PLAAT2: variants seen among roughly 807,000 people sequenced by gnomAD.
PLAAT2 encodes the protein phospholipase A and acyltransferase 2, also known as HRAS like suppressor 2.
In PLAAT2, 12 loss-of-function variants were observed where a neutral mutation model predicts 12.8. The ratio of observed to expected loss-of-function variants is 0.94; its 90% CI spans 0.60 to 1.52. PLAAT2 has a LOEUF of 1.52. PLAAT2 is among the 40% of genes most tolerant of loss of function. The probability of loss-of-function intolerance (pLI) is 0.00; values close to 1 mark genes in which losing one functional copy is unlikely to be tolerated. For synonymous variants in PLAAT2, 79 were observed against 86.8 expected (o/e 0.91, Z 0.50); for missense variants, 166 against 208.1 (o/e 0.80, Z 1.24).
At chr11:63,558,118 C>T (rs1439730551) in intron 3 of PLAAT2, among the ~76,000 whole-genome samples, 4 of 152,082 alleles carry the variant, frequency 2.6e-5, no homozygotes, top group African/African-American at 9.7e-5. Context: ...ATCATAAAGC[C>T]GGCCTCTAGG....
rs562454290 is a variant in PLAAT2 at position 63,552,942 on chromosome 11, T to C, written c.*22A>G. On this transcript the variant is annotated 3_prime_UTR_variant, in exon 4 of 4. Coordinates refer to ENST00000255695, the MANE Select transcript of PLAAT2 (RefSeq NM_017878.2). Reference sequence around the variant, plus strand: ...AATATTCCTCCGTAAGAATTGGTGGTTGTTGGGACAATTTCTTGGATTTAT... The same window carrying C: ...AATATTCCTCCGTAAGAATTGGTGGCTGTTGGGACAATTTCTTGGATTTAT... 2.0e-6 allele frequency: 3 copies of C among 1,521,336 alleles called. No individual in the cohort carries two copies. The highest frequency in any genetic ancestry group is 3.4e-5 in the Admixed American group (2 of 59,692). The allele number at this position is 1,521,336 out of a possible 1,614,324, so 94.2% of individuals were successfully genotyped here. A position where few individuals can be genotyped will look rare whatever the true frequency, so the allele number is the denominator to read the frequency against.
chr11:63,560,530 T>C (rs528505999), intron 1 of PLAAT2, among the ~76,000 whole-genome samples: 2 of 152,344 alleles, frequency 1.3e-5, no homozygotes, highest in Non-Finnish European at 2.9e-5. Context: ...TGTCAGCTAG[T>C]GACTGCATGA....
At chr11:63,558,984 T>G (rs2017494278) in intron 2 of PLAAT2, among the ~76,000 whole-genome samples, 1 of 152,096 alleles carries the variant, frequency 6.6e-6, no homozygotes, top group Non-Finnish European at 1.5e-5. Context: ...CAGGCCATAG[T>G]CCCAACTGCC....
At chr11:63,553,226 A>G (rs796979051) in intron 3 of PLAAT2, among the ~76,000 whole-genome samples, 161 bp from the exon 4 acceptor site, 31 of 152,350 alleles carry the variant, frequency 2.0e-4, no homozygotes, top group African/African-American at 7.5e-4. Flanking sequence ...CCAAGAGGTC[A>G]GGCCACCCAG....
rs746685332 is a variant in PLAAT2 at position 63,558,580 on chromosome 11, C to T, written c.199G>A (p.Val67Met). 24 of 1,614,140 alleles carry T rather than the reference C, an allele frequency of 1.5e-5. No homozygotes were observed. Among genetic ancestry groups the T allele is most frequent in the Non-Finnish European group, 1.9e-5 (22 of 1,180,056 alleles). The change falls in exon 3 of 4, where the codon GTG becomes ATG. Residue 67 changes from valine (V) to methionine (M), a missense_variant. Val to Met is a conservative substitution (Grantham distance 21, BLOSUM62 1). Coordinates refer to ENST00000255695, the MANE Select transcript of PLAAT2 (RefSeq NM_017878.2). ...KAIVKKELLS[V>M]VAGGDNYRVN... The stretch of plus-strand genomic sequence containing the variant: ...CTGTAGTTGTCTCCCCCAGCCACCA[C>T]AGACAGCAGTTCCTTCTTCACTATG...
rs894936982 is a variant in PLAAT2, at chr11:63,553,082, G to T, written c.388-17C>A. On this transcript the variant is annotated splice_polypyrimidine_tract_variant and intron_variant, in intron 3 of 3. Coordinates refer to ENST00000255695, the MANE Select transcript of PLAAT2 (RefSeq NM_017878.2). Reference sequence around the variant, plus strand: ...ACCAGTGACCTGCAGCAGAAGAGAAGGGAGAGCACACTCAGCATCAGGGCG... The same window carrying T: ...ACCAGTGACCTGCAGCAGAAGAGAATGGAGAGCACACTCAGCATCAGGGCG... 5 of 1,564,690 alleles carry T rather than the reference G, an allele frequency of 3.2e-6. No homozygotes were observed. The highest frequency in any genetic ancestry group is 2.7e-5 in the African/African-American group (2 of 74,030).
At chr11:63,554,012 C>A (rs74751258) in intron 3 of PLAAT2, among the ~76,000 whole-genome samples, 45 of 152,238 alleles carry the variant, frequency 3.0e-4, no homozygotes, top group East Asian at 2.7e-3. Context: ...ACTGAAAAAA[C>A]CACAGAGATG....
chr11:63,559,470 CTG>C (rs2017498471), intron 2 of PLAAT2, among the ~76,000 whole-genome samples: 1 of 152,040 alleles, frequency 6.6e-6, no homozygotes, highest in Non-Finnish European at 1.5e-5. Flanking sequence ...GGCTCTCTTA[CTG>C]TGTGTCTTCA....
intron 1 of PLAAT2, among the ~76,000 whole-genome samples, chr11:63,561,138 G>C (rs1265244206): frequency 6.6e-6 from 1 of 152,242 alleles, no homozygotes; most frequent in Non-Finnish European, 1.5e-5. Flanking sequence ...CTGGTGGGGA[G>C]CTATAGTTAA....
intron 3 of PLAAT2, among the ~76,000 whole-genome samples, chr11:63,555,335 T>A (rs2017457325): frequency 6.6e-6 from 1 of 152,172 alleles, no homozygotes. Flanking sequence ...AAAAATTTTT[T>A]AAAGAACAAT....
chr11:63,562,824 C>G (rs1005535470), intron 1 of PLAAT2, among the ~76,000 whole-genome samples: 6 of 152,194 alleles, frequency 3.9e-5, no homozygotes, highest in African/African-American at 1.2e-4. Flanking sequence ...AGTAGAGGGA[C>G]TGGCCCTGCC....
upstream of PLAAT2, among the ~76,000 whole-genome samples, chr11:63,563,835 A>G (rs1590672632): frequency 6.6e-6 from 1 of 152,208 alleles, no homozygotes; most frequent in Non-Finnish European, 1.5e-5. Context: ...TCAGCCAGAC[A>G]GAAGAGGAAT....
At chr11:63,557,035 G>A (rs1255573790) in intron 3 of PLAAT2, among the ~76,000 whole-genome samples, 2 of 152,078 alleles carry the variant, frequency 1.3e-5, no homozygotes, top group Non-Finnish European at 2.9e-5. Flanking sequence ...CACCTGGCTC[G>A]GCTATTTAAA....
Position 63,552,878 on chromosome 11 carries a change from T to C in PLAAT2, c.*86A>G, listed in dbSNP as rs894884573. The C allele has an allele frequency of 2.3e-6, 2 of 857,058 alleles. No homozygotes were observed. The allele number at this position is 857,058 out of a possible 1,614,324, so 53.1% of individuals were successfully genotyped here. The stretch of plus-strand genomic sequence containing the variant: ...ATAAAGATTCATGAACACAAAACAG[T>C]AAAATCAGTAAACCAAACTCCACTC... On this transcript the variant is annotated 3_prime_UTR_variant, in exon 4 of 4. Coordinates refer to ENST00000255695, the MANE Select transcript of PLAAT2 (RefSeq NM_017878.2).
intron 3 of PLAAT2, among the ~76,000 whole-genome samples, chr11:63,555,158 T>C (rs1234035490): frequency 2.0e-5 from 3 of 152,148 alleles, no homozygotes; most frequent in African/African-American, 7.2e-5. Context: ...CCCACGGATA[T>C]TGGGGACAGA....
intron 3 of PLAAT2, among the ~76,000 whole-genome samples, chr11:63,553,750 G>T (rs1350536566): frequency 1.3e-5 from 2 of 152,218 alleles, no homozygotes; most frequent in African/African-American, 2.4e-5. Flanking sequence ...GCTGACTGGG[G>T]CCCTTGAGGC....
intron 3 of PLAAT2, among the ~76,000 whole-genome samples, chr11:63,557,845 C>T (rs796475567): frequency 2.8e-4 from 43 of 152,326 alleles, no homozygotes; most frequent in African/African-American, 1.0e-3. Flanking sequence ...TGCCTACACT[C>T]CTTATTGCCC....
chr11:63,563,866 GAGA>G (rs2017541750), upstream of PLAAT2, among the ~76,000 whole-genome samples: 1 of 152,120 alleles, frequency 6.6e-6, no homozygotes, highest in Non-Finnish European at 1.5e-5. Context: ...GATATAGATT[GAGA>G]AGGACTTAGT....
intron 3 of PLAAT2, 146 bp downstream of exon 3, chr11:63,558,246 C>A: frequency 1.2e-5 from 11 of 889,144 alleles, no homozygotes; most frequent in Non-Finnish European, 1.5e-5. Context: ...CCAAATGTGA[C>A]ACCCTCAAGG....
Sources: gnomAD v4.1 joint callset for allele counts (sites outside exome capture counted in the v4.1 genomes callset) on GRCh38, gnomAD v4.1.1 for gene constraint, MANE v1.5 for transcripts, NCBI Gene and HGNC (gene_info 2026-07-23, HGNC 2026-07-21) for gene names.